Variants in CSGALNACT2 observed in about 807,000 individuals in gnomAD.
CSGALNACT2 encodes beta 4 GalNAcT-2.
In CSGALNACT2, 35 loss-of-function variants were observed where a neutral mutation model predicts 55.3. The observed-to-expected ratio is 0.63, with a 90% confidence interval of 0.48 to 0.84. The LOEUF (loss-of-function observed/expected upper bound fraction) is 0.84. CSGALNACT2 is among the 40% of genes least tolerant of loss of function. The probability of loss-of-function intolerance (pLI) is 0.00; values close to 1 mark genes in which losing one functional copy is unlikely to be tolerated. For missense variants in CSGALNACT2, 544 were observed against 657.5 expected, an observed-to-expected ratio of 0.83 and a Z score of 1.89; for synonymous variants, 196 against 224.9, an observed-to-expected ratio of 0.87 and a Z score of 1.15.
At position 43,183,488 on chromosome 10, in the gene CSGALNACT2, A is replaced by AG; in HGVS notation, c.1576dup (p.Glu526GlyfsTer6). 1 of 1,614,216 alleles carries AG rather than the reference A, an allele frequency of 6.2e-7. No homozygotes were observed. The highest frequency in any genetic ancestry group is 8.5e-7 in the Non-Finnish European group (1 of 1,180,016). On this transcript the variant is annotated frameshift_variant, in exon 8 of 8. Coordinates refer to ENST00000374466, the MANE Select transcript of CSGALNACT2 (RefSeq NM_018590.5). LOFTEE classifies it high-confidence loss of function. ...GAATGCTGGTCTTCAGGGAGGAAAT[A>AG]GAGACGCATCTTCATAAACAGGCAT...
Position 43,151,912 on chromosome 10 carries a change from A to G in CSGALNACT2, c.-253-2985A>G, listed in dbSNP as rs560202489. Among the ~76,000 whole-genome samples the G allele has an allele frequency of 2.0e-5, 3 of 152,326 alleles. No homozygotes were observed. The South Asian group carries it at 6.2e-4, about 32-fold the overall frequency. ...TCATATTTTGGGTTTGTTGGCAGGA[A>G]AAGTTGTTTGTTTGTTTTTGGTTGT... On this transcript the variant is annotated intron_variant, in intron 1 of 7. Coordinates refer to ENST00000374466, the MANE Select transcript of CSGALNACT2 (RefSeq NM_018590.5).
At chr10:43,140,068 C>T (rs991389943) in intron 1 of CSGALNACT2, among the ~76,000 whole-genome samples, 1 of 152,124 alleles carries the variant, frequency 6.6e-6, no homozygotes, top group Non-Finnish European at 1.5e-5. Flanking sequence ...GTGGCGGGCG[C>T]CTGTAAGCCC....
At position 43,175,979 on chromosome 10, in the gene CSGALNACT2, G is replaced by C; in HGVS notation, c.1283G>C (p.Arg428Pro). 6.2e-7 allele frequency: 1 copy of C among 1,608,050 alleles called. No homozygotes were observed. Among genetic ancestry groups the C allele is most frequent in the Non-Finnish European group, 8.5e-7 (1 of 1,178,418 alleles). Residue 428 changes from arginine (R) to proline (P), a missense_variant, in exon 7 of 8, where the codon CGA becomes CCA. Arg to Pro is a moderately radical substitution (Grantham distance 103, BLOSUM62 -2). Transcript: ENST00000374466. ...LVHKKDSGFW[R>P]DFGFGMTCQY... is the part of the protein sequence containing the mutation. ...CACAAAAAGGATTCTGGCTTTTGGCGAGATTTTGGCTTTGGAATGACTTGT... is the reference window on the plus strand; with the variant it reads ...CACAAAAAGGATTCTGGCTTTTGGCCAGATTTTGGCTTTGGAATGACTTGT...
chr10:43,145,541 A>G (rs1001069255), intron 1 of CSGALNACT2, among the ~76,000 whole-genome samples: 1 of 151,258 alleles, frequency 6.6e-6, no homozygotes, highest in African/African-American at 2.4e-5. Flanking sequence ...CCAGGGCAAC[A>G]TGAACTACAG....
intron 1 of CSGALNACT2, among the ~76,000 whole-genome samples, chr10:43,154,668 A>G (rs1373586317): frequency 6.6e-6 from 1 of 152,104 alleles, no homozygotes; most frequent in Non-Finnish European, 1.5e-5. Context: ...CAGAGGTTGC[A>G]GTAAGCCAAG....
At chr10:43,143,670 A>G (rs1838682008) in intron 1 of CSGALNACT2, among the ~76,000 whole-genome samples, 1 of 152,176 alleles carries the variant, frequency 6.6e-6, no homozygotes, top group African/African-American at 2.4e-5. Flanking sequence ...AGTAGCTGTT[A>G]CACTTGACTC....
intron 7 of CSGALNACT2, among the ~76,000 whole-genome samples, chr10:43,181,517 T>C (rs1466060529): frequency 1.3e-5 from 2 of 152,330 alleles, no homozygotes; most frequent in South Asian, 2.1e-4. Flanking sequence ...AAAGCTGATA[T>C]GTATCAGACA....
At chr10:43,176,452 A>G (rs1839482917) in intron 7 of CSGALNACT2, among the ~76,000 whole-genome samples, 1 of 152,164 alleles carries the variant, frequency 6.6e-6, no homozygotes, top group African/African-American at 2.4e-5. Flanking sequence ...TTACTTGTCT[A>G]GTGAACTGTT....
chr10:43,160,184 G>A (rs1267058943), intron 3 of CSGALNACT2, among the ~76,000 whole-genome samples: 1 of 152,210 alleles, frequency 6.6e-6, no homozygotes, highest in Admixed American at 6.5e-5. Context: ...TATTTATGTG[G>A]TTCTGAACCA....
chr10:43,163,785 T>C (rs1478649948), intron 4 of CSGALNACT2, 81 bp from the exon 5 acceptor site: 48 of 1,444,894 alleles, frequency 3.3e-5, no homozygotes, highest in Non-Finnish European at 4.3e-5. Flanking sequence ...GTGTAAAACA[T>C]ATTTTGTAAG....
At chr10:43,141,846 A>G (rs1439991855) in intron 1 of CSGALNACT2, among the ~76,000 whole-genome samples, 2 of 152,094 alleles carry the variant, frequency 1.3e-5, no homozygotes, top group Admixed American at 1.3e-4. Context: ...TCAGAGGACA[A>G]AGGACTGGCA....
At chr10:43,167,184 A>T in intron 6 of CSGALNACT2, 86 bp downstream of exon 6, 1 of 840,290 alleles carries the variant, frequency 1.2e-6, no homozygotes, top group Non-Finnish European at 2.0e-6. Flanking sequence ...AAGTTTCAAT[A>T]AAAAACTGTA....
chr10:43,183,473 C>G lies in CSGALNACT2; in HGVS notation c.1560C>G (p.Val520=). 1 of 1,614,164 alleles carries G rather than the reference C, an allele frequency of 6.2e-7. No homozygotes were observed. Among genetic ancestry groups the G allele is most frequent in the Non-Finnish European group, 8.5e-7 (1 of 1,179,980 alleles). The change falls in exon 8 of 8, where the codon GTC becomes GTG. Residue 520 remains valine (V), a synonymous_variant. Transcript: ENST00000374466. ...EASHSHLGML[V]FREEIETHLH... is the part of the protein sequence containing the mutation. ...CTCACTCCCACCTGGGAATGCTGGTCTTCAGGGAGGAAATAGAGACGCATC... is the reference window on the plus strand; with the variant it reads ...CTCACTCCCACCTGGGAATGCTGGTGTTCAGGGAGGAAATAGAGACGCATC...
chr10:43,153,115 C>G (rs1490186953), intron 1 of CSGALNACT2, among the ~76,000 whole-genome samples: 1 of 151,682 alleles, frequency 6.6e-6, no homozygotes, highest in Non-Finnish European at 1.5e-5. Context: ...TTTGGGAGGC[C>G]GAGGCGGGCG....
At chr10:43,182,023 A>G (rs1354116993) in intron 7 of CSGALNACT2, among the ~76,000 whole-genome samples, 1 of 148,100 alleles carries the variant, frequency 6.8e-6, no homozygotes, top group Non-Finnish European at 1.5e-5. Context: ...AAGAAATTAT[A>G]AAAGTATTAA....
chr10:43,158,026 T>TAA (rs770700775), intron 2 of CSGALNACT2, among the ~76,000 whole-genome samples: 4,616 of 99,318 alleles, frequency 0.046, 117 homozygotes, highest in South Asian at 0.079. Context: ...AGACTCCGTC[T>TAA]AAAAAAAAAA....
chr10:43,165,964 C>T (rs1250448397), intron 5 of CSGALNACT2, among the ~76,000 whole-genome samples: 2 of 151,678 alleles, frequency 1.3e-5, no homozygotes, highest in African/African-American at 2.4e-5. Context: ...AGCAAGACTC[C>T]GTCTTAAAAA....
chr10:43,161,819 T>C (rs557322910), intron 4 of CSGALNACT2, among the ~76,000 whole-genome samples: 2 of 152,150 alleles, frequency 1.3e-5, no homozygotes, highest in Non-Finnish European at 2.9e-5. Flanking sequence ...CAGGACCTCT[T>C]CTCTATCTCT....
chr10:43,164,636 C>T (rs1021167885), intron 5 of CSGALNACT2, among the ~76,000 whole-genome samples: 1 of 152,114 alleles, frequency 6.6e-6, no homozygotes, highest in Middle Eastern at 3.2e-3. Context: ...ATCATGAGGT[C>T]AAGAGATTGA....
Sources: allele counts gnomAD v4.1 joint callset (sites outside exome capture counted in the v4.1 genomes callset), GRCh38; gene constraint gnomAD v4.1.1; transcripts MANE v1.5; gene names NCBI Gene and HGNC (gene_info 2026-07-23, HGNC 2026-07-21).